The following EPG5 variants were observed in gnomAD, a reference collection of about 807,000 sequenced individuals.
The protein encoded by EPG5 is ectopic P granules protein 5 homolog.
Under a neutral mutation model 302.7 loss-of-function variants are expected in EPG5, and 159 were observed. The ratio of observed to expected loss-of-function variants is 0.53; its 90% CI spans 0.46 to 0.60. The LOEUF (loss-of-function observed/expected upper bound fraction) is 0.60. EPG5 is among the 20% of genes least tolerant of loss of function. EPG5 has a pLI of 0.00. For synonymous variants in EPG5, 1,158 were observed against 1,136.8 expected (o/e 1.02, Z -0.37); for missense variants, 2,896 against 3,092.4 (o/e 0.94, Z 1.51).
At position 45,928,972 on chromosome 18, in the gene EPG5, G is replaced by T. The variant is rs908790331; in HGVS notation, c.2450C>A (p.Ser817Ter). ...YVTLSTRETF[S>*]KVGRELLGTI... ...CCCTAAAAGCTCTCGACCAACCTTT[G>T]AAAAAGTCTCTCTGGTAGACAAGGT... The change falls in exon 13 of 44, where the codon TCA (serine) becomes TAA (stop). Residue 817 changes from serine to a stop codon, truncating the protein, a stop_gained. Coordinates refer to ENST00000282041, the MANE Select transcript of EPG5 (RefSeq NM_020964.3). LOFTEE classifies it high-confidence loss of function. 1 of 1,613,796 alleles carries T rather than the reference G, an allele frequency of 6.2e-7. No individual in the cohort carries two copies. The highest frequency in any genetic ancestry group is 1.3e-5 in the African/African-American group (1 of 74,910).
At position 45,951,253 on chromosome 18, in the gene EPG5, T is replaced by C; in HGVS notation, c.1253-15A>G. On this transcript the variant is annotated splice_polypyrimidine_tract_variant and intron_variant, in intron 3 of 43. Transcript: ENST00000282041. ...CTGCTTAGACGCTGTAAATGAAAGATATTAAATGAGTCTCTCATAAATGGT... is the reference window on the plus strand; with the variant it reads ...CTGCTTAGACGCTGTAAATGAAAGACATTAAATGAGTCTCTCATAAATGGT... 5 of 1,451,176 alleles carry C rather than the reference T, an allele frequency of 3.4e-6. No individual in the cohort carries two copies. Among genetic ancestry groups the C allele is most frequent in the South Asian group, 1.6e-5 (1 of 61,458 alleles). 89.9% of individuals were successfully genotyped at this position (1,451,176 alleles called of 1,614,324 possible). A position where few individuals can be genotyped will look rare whatever the true frequency, so the allele number is the denominator to read the frequency against.
intron 1 of EPG5, among the ~76,000 whole-genome samples, chr18:45,960,375 A>G (rs2051122967): frequency 6.6e-6 from 1 of 152,180 alleles, no homozygotes; most frequent in Non-Finnish European, 1.5e-5. Flanking sequence ...CCTGTGCTCA[A>G]ATGGTCCTCC....
At position 45,926,055 on chromosome 18, in the gene EPG5, G is replaced by A. The variant is rs561934574; in HGVS notation, c.2554-153C>T. 2.6e-4 allele frequency among the ~76,000 whole-genome samples: 40 copies of A among 152,094 alleles called. 2 individuals carry two copies. The East Asian group carries it at 7.3e-3, about 28-fold the overall frequency. On this transcript the variant is annotated intron_variant, in intron 13 of 43. Coordinates refer to ENST00000282041, the MANE Select transcript of EPG5 (RefSeq NM_020964.3). ...TTTAGACAAGTGAAATGGAAATCACGGACAACCAAATCAAGTGGGTATTAA... is the reference window on the plus strand; with the variant it reads ...TTTAGACAAGTGAAATGGAAATCACAGACAACCAAATCAAGTGGGTATTAA...
At chr18:45,862,970 A>C (rs1373811714) in intron 39 of EPG5, among the ~76,000 whole-genome samples, 2 of 152,148 alleles carry the variant, frequency 1.3e-5, no homozygotes, top group East Asian at 3.8e-4. Context: ...CTTAATTTCC[A>C]CAGTGTTTTT....
At chr18:45,961,089 G>A (rs1393631202) in intron 1 of EPG5, among the ~76,000 whole-genome samples, 1 of 151,988 alleles carries the variant, frequency 6.6e-6, no homozygotes, top group Non-Finnish European at 1.5e-5. Context: ...AACCCTCTTG[G>A]CTCTCAGACT....
intron 31 of EPG5, 83 bp from the exon 32 acceptor site, chr18:45,880,306 A>G: frequency 1.6e-6 from 2 of 1,281,148 alleles, no homozygotes; most frequent in Admixed American, 6.1e-5. Flanking sequence ...TGAGCACCTT[A>G]TAAAGGAATA....
chr18:45,965,792 G>A (rs2051235077), intron 1 of EPG5, among the ~76,000 whole-genome samples: 1 of 152,114 alleles, frequency 6.6e-6, no homozygotes, highest in African/African-American at 2.4e-5. Context: ...GGTGGCTCAC[G>A]CCTGTAATCC....
intron 11 of EPG5, among the ~76,000 whole-genome samples, chr18:45,934,435 G>C (rs1194265561): frequency 6.6e-6 from 1 of 151,952 alleles, no homozygotes; most frequent in African/African-American, 2.4e-5. Flanking sequence ...TAAAAAAACA[G>C]CAATAAAAGA....
the EPG5 span, chr18:45,837,585 T>G: frequency 2.6e-5 from 40 of 1,512,468 alleles, no homozygotes; most frequent in African/African-American, 3.4e-4. Flanking sequence ...GCGGCAGTGC[T>G]GCCCTGCACC....
rs2049551228 is a variant in EPG5 at position 45,899,332 on chromosome 18, T to G, written c.4809+72A>C. 7.0e-6 allele frequency: 11 copies of G among 1,560,498 alleles called. No individual in the cohort carries two copies. In the East Asian group the frequency reaches 2.5e-4, roughly 35 times the overall value. On this transcript the variant is annotated intron_variant, in intron 27 of 43. Transcript: ENST00000282041. The stretch of plus-strand genomic sequence containing the variant: ...AGTGTGCTATATATGTCTTTCAATC[T>G]TTCTCATTGATAAGCCAACATTACG...
At chr18:45,819,214 TGC>T in the EPG5 span, among the ~76,000 whole-genome samples, 37 of 152,252 alleles carry the variant, frequency 2.4e-4, no homozygotes, top group African/African-American at 8.4e-4. Flanking sequence ...TTTAATTAAT[TGC>T]TCATCTGGAA....
chr18:45,825,689 C>T, the EPG5 span: 23 of 1,607,830 alleles, frequency 1.4e-5, no homozygotes, highest in South Asian at 5.5e-5. Context: ...GGGAGGTGGC[C>T]GAGAGCGGGT....
At chr18:45,867,418 A>G (rs2048770106) in intron 37 of EPG5, 145 bp downstream of exon 37, 1 of 687,524 alleles carries the variant, frequency 1.5e-6, no homozygotes, top group Non-Finnish European at 2.6e-6. Flanking sequence ...AAAATCAGGC[A>G]TCTGGTTAAA....
chr18:45,889,693 A>G, intron 28 of EPG5, 105 bp downstream of exon 28: 1 of 1,043,282 alleles, frequency 9.6e-7, no homozygotes, highest in South Asian at 2.2e-5. Context: ...TCTGTACTAA[A>G]TTAACCTGTG....
At chr18:45,847,096 C>G (rs1254768257), downstream of EPG5, among the ~76,000 whole-genome samples, 1 of 152,194 alleles carries the variant, frequency 6.6e-6, no homozygotes, top group Non-Finnish European at 1.5e-5. Context: ...ATACCCCACT[C>G]CCAGAAAGGC....
intron 1 of EPG5, among the ~76,000 whole-genome samples, chr18:45,957,538 G>A (rs1568190485): frequency 6.6e-6 from 1 of 152,148 alleles, no homozygotes; most frequent in Admixed American, 6.5e-5. Context: ...AAATTAAGAG[G>A]GAAAATGGTT....
At chr18:45,898,967 A>G (rs2049540958) in intron 27 of EPG5, among the ~76,000 whole-genome samples, 1 of 152,110 alleles carries the variant, frequency 6.6e-6, no homozygotes, top group African/African-American at 2.4e-5. Flanking sequence ...TCTACTAAAA[A>G]CACAGAAATT....
rs1157179634 is a variant in EPG5, at chr18:45,852,587, T to C, written c.7620A>G (p.Ile2540Met). ...GCCTTATAAATTGGGTGGCTTGCAA[T>C]ATTTGATCCTGGTATTCAACATACT... ...SKQYVEYQDQILQATQFIRHP... is the reference protein window; with the variant it reads ...SKQYVEYQDQMLQATQFIRHP... Residue 2540 changes from isoleucine (I) to methionine (M), a missense_variant, in exon 44 of 44, where the codon ATA (isoleucine) becomes ATG (methionine). By Grantham distance (10) the Ile-to-Met change is conservative. This residue lies in a region of EPG5 where 620 missense variants were observed against 704.2 expected (regional missense o/e 0.88). Coordinates refer to ENST00000282041, the MANE Select transcript of EPG5 (RefSeq NM_020964.3). 1 of 1,614,146 alleles carries C rather than the reference T, an allele frequency of 6.2e-7. No homozygotes were observed. The highest frequency in any genetic ancestry group is 1.1e-5 in the South Asian group (1 of 91,064).
At chr18:45,837,559 C>T in the EPG5 span, 4 of 1,516,178 alleles carry the variant, frequency 2.6e-6, no homozygotes, top group South Asian at 3.6e-5. Context: ...CCGAGGTGAG[C>T]GCGGAGGCAG....
Sources: gnomAD v4.1 joint callset for allele counts (sites outside exome capture counted in the v4.1 genomes callset) on GRCh38, gnomAD v4.1.1 for gene constraint, gnomAD v4.1.1 regional missense constraint, MANE v1.5 for transcripts, NCBI Gene and HGNC (gene_info 2026-07-23, HGNC 2026-07-21) for gene names.